NDNF: variants seen among roughly 807,000 people sequenced by gnomAD.
NDNF encodes neuron derived neurotrophic factor.
NDNF carries 16 observed loss-of-function variants against 42.0 expected under a neutral mutation model. That is an observed-to-expected ratio of 0.38 (90% CI 0.26 to 0.58). The LOEUF (loss-of-function observed/expected upper bound fraction) is 0.58. NDNF is among the 20% of genes least tolerant of loss of function. The pLI is 0.67. For missense variants in NDNF, 616 were observed against 666.2 expected (o/e 0.92, Z 0.83); for synonymous variants, 248 against 251.7 (o/e 0.99, Z 0.14).
intron 2 of NDNF, among the ~76,000 whole-genome samples, chr4:121,045,345 C>A (rs1727071264): frequency 6.7e-6 from 1 of 148,766 alleles, no homozygotes; most frequent in African/African-American, 2.5e-5. Context: ...GAGCGAGACT[C>A]CGTCTCAGGG....
chr4:121,052,653 C>G (rs1727219836), intron 1 of NDNF, among the ~76,000 whole-genome samples: 1 of 152,144 alleles, frequency 6.6e-6, no homozygotes, highest in African/African-American at 2.4e-5. Flanking sequence ...AGCCGTGTGT[C>G]TGCCATGACT....
At chr4:121,048,444 T>C (rs964780013) in intron 1 of NDNF, among the ~76,000 whole-genome samples, 8 of 152,212 alleles carry the variant, frequency 5.3e-5, no homozygotes, top group African/African-American at 1.9e-4. Context: ...CTGGGATATT[T>C]AGGTCAGCCC....
chr4:121,045,591 CT>C, intron 2 of NDNF, 58 bp downstream of exon 2: 1 of 1,452,394 alleles, frequency 6.9e-7, no homozygotes, highest in East Asian at 2.3e-5. Flanking sequence ...AGGTTACTCT[CT>C]TTTTTGGAGG....
rs62325232 is a variant in NDNF, at chr4:121,036,884, G to C, written c.1087C>G (p.Leu363Val). 1 of 1,614,038 alleles carries C rather than the reference G, an allele frequency of 6.2e-7. No individual in the cohort carries two copies. Among genetic ancestry groups the C allele is most frequent in the Admixed American group, 1.7e-5 (1 of 60,008 alleles). Residue 363 changes from leucine to valine, a missense_variant, in exon 4 of 4, where the codon CTA becomes GTA. Coordinates refer to ENST00000379692, the MANE Select transcript of NDNF (RefSeq NM_024574.4). ...TGAGAAGAGACTGGAGCAAACCGTA[G>C]AAACTTTGCTCCCTTCCTTTTAACA... Reference protein sequence around the residue: ...VFVKRKGAKFLRFAPVSSHQK... With the variant: ...VFVKRKGAKFVRFAPVSSHQK...
At chr4:121,061,706 G>A (rs1727412386) in intron 1 of NDNF, among the ~76,000 whole-genome samples, 1 of 151,850 alleles carries the variant, frequency 6.6e-6, no homozygotes, top group East Asian at 1.9e-4. Context: ...TTATTTATTC[G>A]TGTATTTATT....
chr4:121,062,378 A>C (rs1377186529), intron 1 of NDNF, among the ~76,000 whole-genome samples: 2 of 152,200 alleles, frequency 1.3e-5, no homozygotes, highest in Non-Finnish European at 2.9e-5. Context: ...ATATCTAGCA[A>C]AGGATTTAAG....
In NDNF at chr4:121,072,012, C is replaced by G. The variant is rs987339229; in HGVS notation, c.-21G>C. The G allele has an allele frequency of 2.6e-5, 4 of 152,200 alleles. No individual in the cohort carries two copies. The highest frequency in any genetic ancestry group is 2.6e-4 in the Admixed American group (4 of 15,264). 9.4% of individuals were successfully genotyped at this position (152,200 alleles called of 1,614,324 possible). On this transcript the variant is annotated 5_prime_UTR_variant, in exon 1 of 4. Transcript: ENST00000379692. ...ACTTACCTTAAAAAGATCTGTTTTTCGTAGGGAAAATAGAAAAAAATCCCT... is the reference window on the plus strand; with the variant it reads ...ACTTACCTTAAAAAGATCTGTTTTTGGTAGGGAAAATAGAAAAAAATCCCT...
rs981301227 is a variant in NDNF at position 121,072,287 on chromosome 4, G to C, written c.-296C>G. ...GAGCCGCGCGGGGCTGGGGAATCCCGGGGCAGCGCCGAGAAGCGGCGGGAG... is the reference window on the plus strand; with the variant it reads ...GAGCCGCGCGGGGCTGGGGAATCCCCGGGCAGCGCCGAGAAGCGGCGGGAG... On this transcript the variant is annotated 5_prime_UTR_variant, in exon 1 of 4. Coordinates refer to ENST00000379692, the MANE Select transcript of NDNF (RefSeq NM_024574.4). 3 of 151,796 alleles carry C rather than the reference G, an allele frequency of 2.0e-5. No homozygotes were observed. The highest frequency in any genetic ancestry group is 7.3e-5 in the African/African-American group (3 of 41,218). The allele number at this position is 151,796 out of a possible 1,614,324, so 9.4% of individuals were successfully genotyped here. A position where few individuals can be genotyped will look rare whatever the true frequency, so the allele number is the denominator to read the frequency against.
chr4:121,067,570 A>G (rs1560611425), intron 1 of NDNF, among the ~76,000 whole-genome samples: 1 of 152,216 alleles, frequency 6.6e-6, no homozygotes, highest in Non-Finnish European at 1.5e-5. Context: ...AGTTTAAATC[A>G]AAGTTAACTC....
intron 1 of NDNF, among the ~76,000 whole-genome samples, chr4:121,057,413 C>T (rs879569789): frequency 5.9e-5 from 9 of 152,106 alleles, no homozygotes; most frequent in African/African-American, 2.2e-4. Context: ...GGGAACCTGC[C>T]TCATCTGAGT....
chr4:121,052,337 A>G (rs890501035), intron 1 of NDNF, among the ~76,000 whole-genome samples: 9 of 152,214 alleles, frequency 5.9e-5, no homozygotes, highest in Non-Finnish European at 1.3e-4. Flanking sequence ...AATGACAAAA[A>G]AGGATGGGCA....
chr4:121,058,137 T>C (rs890674572), intron 1 of NDNF, among the ~76,000 whole-genome samples: 2 of 152,234 alleles, frequency 1.3e-5, no homozygotes, highest in African/African-American at 4.8e-5. Flanking sequence ...TAGCTGTTTT[T>C]AGTTTTCTTG....
Position 121,045,597 on chromosome 4 carries a change from TGGAGGCA to T in NDNF, c.188+46_188+52del. 3 of 1,474,334 alleles carry T rather than the reference TGGAGGCA, an allele frequency of 2.0e-6. No individual in the cohort carries two copies. In the Admixed American group the frequency reaches 5.4e-5, roughly 26 times the overall value. The allele number at this position is 1,474,334 out of a possible 1,614,324, so 91.3% of individuals were successfully genotyped here. On this transcript the variant is annotated intron_variant, in intron 2 of 3. Transcript: ENST00000379692. ...TAAGTCTAAAGGTTACTCTCTTTTT[TGGAGGCA>T]TCCTTTGTGAGCTTTTTAATAAAGA...
intron 1 of NDNF, among the ~76,000 whole-genome samples, chr4:121,057,079 C>G (rs757149434): frequency 2.6e-5 from 4 of 152,066 alleles, no homozygotes; most frequent in Non-Finnish European, 4.4e-5. Flanking sequence ...AGAGCTTATA[C>G]TCAGTGGATA....
intron 1 of NDNF, among the ~76,000 whole-genome samples, chr4:121,047,568 C>T (rs1727115428): frequency 6.6e-6 from 1 of 152,170 alleles, no homozygotes; most frequent in Non-Finnish European, 1.5e-5. Flanking sequence ...TTTTCTTTCC[C>T]ACTCTTATTT....
At chr4:121,050,326 A>C (rs1727172678) in intron 1 of NDNF, among the ~76,000 whole-genome samples, 1 of 152,200 alleles carries the variant, frequency 6.6e-6, no homozygotes. Context: ...CTAAGATTAC[A>C]AAAGTGCCCT....
At position 121,045,347 on chromosome 4, in the gene NDNF, G is replaced by A. The variant is rs573416598; in HGVS notation, c.188+303C>T. Among the ~76,000 whole-genome samples the A allele has an allele frequency of 2.9e-4, 43 of 146,138 alleles. No individual in the cohort carries two copies. In the East Asian group the frequency reaches 5.6e-3, roughly 19 times the overall value. ...AGCCTGGGCAACAGAGCGAGACTCC[G>A]TCTCAGGGAAAAAAAAAAAAAAATC... On this transcript the variant is annotated intron_variant, in intron 2 of 3. Transcript: ENST00000379692.
intron 1 of NDNF, among the ~76,000 whole-genome samples, chr4:121,055,511 T>C (rs1727277788): frequency 6.6e-6 from 1 of 152,018 alleles, no homozygotes; most frequent in Admixed American, 6.6e-5. Context: ...GAGAAATAAA[T>C]TAGTTAAGCA....
intron 3 of NDNF, among the ~76,000 whole-genome samples, chr4:121,039,192 GTATATATATATATATATATATATA>G (rs57613027): frequency 1.4e-4 from 3 of 21,558 alleles, no homozygotes; most frequent in African/African-American, 4.5e-4. Flanking sequence ...GTGTGTGTGT[GTATATATATATATATATATATATA>G]TATATATATA....
Sources: allele counts gnomAD v4.1 joint callset (sites outside exome capture counted in the v4.1 genomes callset), GRCh38; gene constraint gnomAD v4.1.1; transcripts MANE v1.5; gene names NCBI Gene and HGNC (gene_info 2026-07-23, HGNC 2026-07-21).